The following PAIP2B variants were observed in gnomAD, a reference collection of about 807,000 sequenced individuals.
The protein encoded by PAIP2B is polyadenylate-binding protein-interacting protein 2B.
In PAIP2B, 13 loss-of-function variants were observed where a neutral mutation model predicts 17.0. The observed-to-expected ratio is 0.76, with a 90% CI of 0.50 to 1.22. The LOEUF (loss-of-function observed/expected upper bound fraction) is 1.22. PAIP2B is among the 50% of genes most tolerant of loss of function. The pLI is 0.00. For synonymous variants in PAIP2B, 43 were observed against 48.7 expected (o/e 0.88, Z 0.48); for missense variants, 117 against 144.5 (o/e 0.81, Z 0.98).
chr2:71,221,803 A>G (rs1329840615), intron 1 of PAIP2B, among the ~76,000 whole-genome samples: 4 of 152,172 alleles, frequency 2.6e-5, no homozygotes, highest in African/African-American at 9.7e-5. Context: ...GACTTGGGGA[A>G]CTTTCCTCTT....
chr2:71,219,631 G>A (rs1363656055), intron 1 of PAIP2B, among the ~76,000 whole-genome samples: 1 of 152,088 alleles, frequency 6.6e-6, no homozygotes, highest in East Asian at 1.9e-4. Context: ...CTAAAAAGAT[G>A]GGCAGCCCCA....
At chr2:71,225,918 C>T (rs1197036193) in intron 1 of PAIP2B, among the ~76,000 whole-genome samples, 1 of 152,164 alleles carries the variant, frequency 6.6e-6, no homozygotes, top group African/African-American at 2.4e-5. Context: ...CTGTGCTGTA[C>T]AACTAAGTAT....
At position 71,202,567 on chromosome 2, in the gene PAIP2B, T is replaced by C. The variant is rs750824746; in HGVS notation, c.23A>G (p.Asn8Ser). Residue 8 changes from asparagine to serine, a missense_variant, in exon 2 of 4, where the codon AAT becomes AGT. Physicochemically the swap from Asn to Ser is conservative, Grantham distance 46. Coordinates refer to ENST00000244221, the MANE Select transcript of PAIP2B (RefSeq NM_020459.1). ...TTTGGATTTTACACTCGGTGATGTA[T>C]TTGCCATATTGGATCCATTCATTAT... MNGSNMA[N>S]TSPSVKSKED... 3.1e-6 allele frequency: 5 copies of C among 1,613,440 alleles called. No individual in the cohort carries two copies. The East Asian group carries it at 8.9e-5, about 29-fold the overall frequency.
chr2:71,205,413 C>T (rs1196734508), intron 1 of PAIP2B, among the ~76,000 whole-genome samples: 1 of 152,190 alleles, frequency 6.6e-6, no homozygotes, highest in Non-Finnish European at 1.5e-5. Flanking sequence ...CACTTTAAGG[C>T]ACATAGTTCA....
At chr2:71,201,008 G>GGTGTGTGT (rs70959217) in intron 2 of PAIP2B, among the ~76,000 whole-genome samples, 2 of 32,310 alleles carry the variant, frequency 6.2e-5, no homozygotes, top group Non-Finnish European at 1.7e-4. Context: ...TGTGTGTGTG[G>GGTGTGTGT]GTGTGTGTGT....
chr2:71,219,245 A>G (rs1442811312), intron 1 of PAIP2B, among the ~76,000 whole-genome samples: 1 of 151,764 alleles, frequency 6.6e-6, no homozygotes, highest in Non-Finnish European at 1.5e-5. Context: ...GTTTTTCTTT[A>G]TATTTTGTTA....
At chr2:71,209,610 T>A (rs533652477) in intron 1 of PAIP2B, among the ~76,000 whole-genome samples, 1 of 152,178 alleles carries the variant, frequency 6.6e-6, no homozygotes, top group Non-Finnish European at 1.5e-5. Flanking sequence ...TTCACTTCCC[T>A]GGTAGCAGGA....
At position 71,187,561 on chromosome 2, in the gene PAIP2B, A is replaced by T. The variant is rs1267429591; in HGVS notation, c.*918T>A. ...AAGTGTTGATGAGGCTGGAAAAAAA[A>T]ACTGTCCAAATAAAATTAAGACACA... On this transcript the variant is annotated 3_prime_UTR_variant, in exon 4 of 4. Coordinates refer to ENST00000244221, the MANE Select transcript of PAIP2B (RefSeq NM_020459.1). 2 of 152,252 alleles carry T rather than the reference A, an allele frequency of 1.3e-5. No individual in the cohort carries two copies. Among genetic ancestry groups the T allele is most frequent in the Non-Finnish European group, 2.9e-5 (2 of 68,048 alleles). 9.4% of individuals were successfully genotyped at this position (152,252 alleles called of 1,614,324 possible). A position where few individuals can be genotyped will look rare whatever the true frequency, so the allele number is the denominator to read the frequency against.
intron 2 of PAIP2B, among the ~76,000 whole-genome samples, chr2:71,200,293 C>A (rs1674946036): frequency 6.6e-6 from 1 of 152,100 alleles, no homozygotes; most frequent in Admixed American, 6.5e-5. Flanking sequence ...GTGGTAAAAA[C>A]TGTACAGCAC....
At chr2:71,205,949 C>G (rs1675114892) in intron 1 of PAIP2B, among the ~76,000 whole-genome samples, 1 of 152,196 alleles carries the variant, frequency 6.6e-6, no homozygotes, top group South Asian at 2.1e-4. Context: ...TCCTCCCAGT[C>G]AAGCCTTCAG....
At chr2:71,207,602 T>C (rs1272010568) in intron 1 of PAIP2B, among the ~76,000 whole-genome samples, 3 of 152,118 alleles carry the variant, frequency 2.0e-5, no homozygotes, top group African/African-American at 7.2e-5. Context: ...GAGTTAATAA[T>C]GAGAGACTGG....
rs776595953 is a variant in PAIP2B at position 71,188,523 on chromosome 2, G to C, written c.328C>G (p.Leu110Val). ...ATAAACTCCTTGGCATCTGGGTTCAGGTTACTTTTGCTCTGAAATAAGAAC... is the reference window on the plus strand; with the variant it reads ...ATAAACTCCTTGGCATCTGGGTTCACGTTACTTTTGCTCTGAAATAAGAAC... ...DSEDILSKSN[L>V]NPDAKEFIPG... Residue 110 changes from leucine to valine, a missense_variant, in exon 4 of 4, where the codon CTG (leucine) becomes GTG (valine). By Grantham distance (32) the Leu-to-Val change is conservative. Coordinates refer to ENST00000244221, the MANE Select transcript of PAIP2B (RefSeq NM_020459.1). 18 of 1,608,620 alleles carry C rather than the reference G, an allele frequency of 1.1e-5. No individual in the cohort carries two copies. The East Asian group carries it at 3.8e-4, about 34-fold the overall frequency.
rs1674559652 is a variant in PAIP2B at position 71,187,052 on chromosome 2, A to G, written c.*1427T>C. 6.6e-6 allele frequency: 1 copy of G among 152,182 alleles called. No individual in the cohort carries two copies. Among genetic ancestry groups the G allele is most frequent in the African/African-American group, 2.4e-5 (1 of 41,434 alleles). The allele number at this position is 152,182 out of a possible 1,614,324, so 9.4% of individuals were successfully genotyped here. Reference sequence around the variant, plus strand: ...CTTTTCCCTATTAGGCCTATCACACAGCACAGTAGCAATCAGAAAGAAGCC... The same window carrying G: ...CTTTTCCCTATTAGGCCTATCACACGGCACAGTAGCAATCAGAAAGAAGCC... On this transcript the variant is annotated 3_prime_UTR_variant, in exon 4 of 4. Transcript: ENST00000244221.
intron 1 of PAIP2B, among the ~76,000 whole-genome samples, chr2:71,220,088 T>C (rs1355080764): frequency 6.6e-6 from 1 of 152,218 alleles, no homozygotes; most frequent in African/African-American, 2.4e-5. Context: ...TGGCAGGCAC[T>C]GAAGTCATCC....
At position 71,197,853 on chromosome 2, in the gene PAIP2B, A is replaced by T. The variant is rs11680526; in HGVS notation, c.138+4599T>A. ...CCAATTCACTATCATGAGAACAGCA[A>T]GGAAAGACTCACCCTCATAATTCAG... On this transcript the variant is annotated intron_variant, in intron 2 of 3. Coordinates refer to ENST00000244221, the MANE Select transcript of PAIP2B (RefSeq NM_020459.1). Among the ~76,000 whole-genome samples, 471 of 152,284 alleles carry T rather than the reference A, an allele frequency of 3.1e-3. 4 individuals carry two copies. The highest frequency in any genetic ancestry group is 0.011 in the African/African-American group (446 of 41,538).
chr2:71,216,466 T>G (rs958959845), intron 1 of PAIP2B, among the ~76,000 whole-genome samples: 2 of 152,236 alleles, frequency 1.3e-5, no homozygotes, highest in Non-Finnish European at 2.9e-5. Context: ...AACTCCACAC[T>G]AGGCTGGGAT....
chr2:71,207,346 T>A (rs1675156921), intron 1 of PAIP2B, among the ~76,000 whole-genome samples: 2 of 152,034 alleles, frequency 1.3e-5, no homozygotes. Context: ...TTTCGGGAAC[T>A]ACAAGAAGGT....
rs745675461 is a variant in PAIP2B, at chr2:71,202,617, G to A, written c.-11-17C>T. On this transcript the variant is annotated splice_polypyrimidine_tract_variant and intron_variant, in intron 1 of 3. Coordinates refer to ENST00000244221, the MANE Select transcript of PAIP2B (RefSeq NM_020459.1). The stretch of plus-strand genomic sequence containing the variant: ...TGATGGAACCTAAAGAGAAGCAAAA[G>A]AAAAGATAAAATGAATATAAGGATA... 1 of 1,590,684 alleles carries A rather than the reference G, an allele frequency of 6.3e-7. No homozygotes were observed. Among genetic ancestry groups the A allele is most frequent in the South Asian group, 1.1e-5 (1 of 89,166 alleles).
chr2:71,188,434 C>G lies in PAIP2B; in HGVS notation c.*45G>C, dbSNP rs751430113. On this transcript the variant is annotated 3_prime_UTR_variant, in exon 4 of 4. Transcript: ENST00000244221. ...GCTCCACCATTTTGTGCATTACTATCCCCAGATGTGGGGACAGACAAGTCT... is the reference window on the plus strand; with the variant it reads ...GCTCCACCATTTTGTGCATTACTATGCCCAGATGTGGGGACAGACAAGTCT... 1 of 1,310,620 alleles carries G rather than the reference C, an allele frequency of 7.6e-7. No homozygotes were observed. The highest frequency in any genetic ancestry group is 3.3e-5 in the East Asian group (1 of 29,996). The allele number at this position is 1,310,620 out of a possible 1,614,324, so 81.2% of individuals were successfully genotyped here.
Sources: gnomAD v4.1 joint callset for allele counts (sites outside exome capture counted in the v4.1 genomes callset) on GRCh38, gnomAD v4.1.1 for gene constraint, MANE v1.5 for transcripts, NCBI Gene and HGNC (gene_info 2026-07-23, HGNC 2026-07-21) for gene names.